PJA2: variants seen among roughly 807,000 people sequenced by gnomAD.
The protein encoded by PJA2 is E3 ubiquitin-protein ligase Praja-2.
PJA2 carries 25 observed loss-of-function variants against 69.3 expected under a neutral mutation model. That is an observed-to-expected ratio of 0.36 (90% confidence interval 0.26 to 0.50). PJA2 has a LOEUF of 0.50. Ranked by LOEUF, PJA2 falls within the 20% of genes least tolerant of loss-of-function variation. The pLI is 0.96. For missense variants in PJA2, 809 were observed against 830.2 expected (o/e 0.97, Z 0.31); for synonymous variants, 308 against 277.8 (o/e 1.11, Z -1.08).
At chr5:109,399,326 G>C (rs1474475824) in intron 1 of PJA2, among the ~76,000 whole-genome samples, 1 of 151,970 alleles carries the variant, frequency 6.6e-6, no homozygotes, top group Non-Finnish European at 1.5e-5. Context: ...ACTGAGTACA[G>C]ATAAGGAAGA....
At chr5:109,352,913 C>A (rs574433510) in intron 7 of PJA2, among the ~76,000 whole-genome samples, 2 of 146,928 alleles carry the variant, frequency 1.4e-5, no homozygotes, top group South Asian at 2.1e-4. Context: ...ATATTAGATA[C>A]CTATAATATC....
chr5:109,395,925 G>A (rs533872608), intron 1 of PJA2, among the ~76,000 whole-genome samples: 11 of 151,750 alleles, frequency 7.2e-5, no homozygotes, highest in African/African-American at 2.2e-4. Flanking sequence ...ACTTGAACCC[G>A]GGAGGCAGAG....
chr5:109,388,403 C>T (rs1472444294), intron 1 of PJA2, among the ~76,000 whole-genome samples: 1 of 152,216 alleles, frequency 6.6e-6, no homozygotes, highest in African/African-American at 2.4e-5. Context: ...AGCAACCAGG[C>T]TGCTCCTGAA....
intron 1 of PJA2, among the ~76,000 whole-genome samples, chr5:109,390,402 T>C (rs1361184674): frequency 1.3e-5 from 2 of 152,026 alleles, no homozygotes. Context: ...TATAGCCACA[T>C]CAGCTTTCTT....
chr5:109,346,413 C>T (rs1762173267), intron 7 of PJA2, among the ~76,000 whole-genome samples: 1 of 152,036 alleles, frequency 6.6e-6, no homozygotes, highest in African/African-American at 2.4e-5. Context: ...GGGTATACAC[C>T]CAAAAAGAAC....
intron 7 of PJA2, among the ~76,000 whole-genome samples, chr5:109,348,321 C>G (rs1727361086): frequency 6.6e-6 from 1 of 152,144 alleles, no homozygotes; most frequent in South Asian, 2.1e-4. Flanking sequence ...TCCACGACAG[C>G]CCTAAAAGAT....
chr5:109,386,298 A>G (rs1306190317), intron 1 of PJA2, among the ~76,000 whole-genome samples: 2 of 152,180 alleles, frequency 1.3e-5, no homozygotes, highest in Non-Finnish European at 2.9e-5. Context: ...GCCAAAAGTT[A>G]AAGTATGATG....
At chr5:109,340,980 C>T (rs1234850010) in intron 9 of PJA2, among the ~76,000 whole-genome samples, 1 of 138,258 alleles carries the variant, frequency 7.2e-6, no homozygotes, top group African/African-American at 2.6e-5. Context: ...GGCGTGATCT[C>T]GGCTCACTAC....
intron 3 of PJA2, among the ~76,000 whole-genome samples, chr5:109,379,479 G>A (rs1244111001): frequency 6.6e-6 from 1 of 152,068 alleles, no homozygotes; most frequent in Non-Finnish European, 1.5e-5. Flanking sequence ...TCCCTCACAT[G>A]GCTTTGGCAG....
intron 7 of PJA2, among the ~76,000 whole-genome samples, chr5:109,352,146 T>C (rs1762264370): frequency 6.6e-6 from 1 of 152,192 alleles, no homozygotes; most frequent in African/African-American, 2.4e-5. Context: ...TCACTATTGG[T>C]AGAAGCCAAC....
chr5:109,344,373 C>CA, intron 8 of PJA2, 62 bp from the exon 9 acceptor site: 1 of 1,519,166 alleles, frequency 6.6e-7, no homozygotes, highest in South Asian at 1.3e-5. Context: ...AACTGAAAAG[C>CA]AACATATTAT....
rs149766508 is a variant in PJA2 at position 109,379,863 on chromosome 5, A to G, written c.233-609T>C. ...TATAGTTATGACTGAAAAACAACAA[A>G]GAGATCAATATGTTGATTCTTGTCA... On this transcript the variant is annotated intron_variant, in intron 3 of 9. Transcript: ENST00000361189. 6.4e-3 allele frequency among the ~76,000 whole-genome samples: 977 copies of G among 152,302 alleles called. 8 individuals carry two copies. Among genetic ancestry groups the G allele is most frequent in the African/African-American group, 0.022 (924 of 41,562 alleles).
At chr5:109,400,205 C>G (rs1007839685) in intron 1 of PJA2, among the ~76,000 whole-genome samples, 13 of 151,310 alleles carry the variant, frequency 8.6e-5, no homozygotes, top group African/African-American at 3.2e-4. Context: ...TACGGAGAAT[C>G]GCTTGAAGTC....
At chr5:109,349,869 A>G (rs1340500716) in intron 7 of PJA2, among the ~76,000 whole-genome samples, 1 of 152,040 alleles carries the variant, frequency 6.6e-6, no homozygotes, top group Non-Finnish European at 1.5e-5. Flanking sequence ...GAACTTTCCC[A>G]TTGCAAGATA....
intron 1 of PJA2, among the ~76,000 whole-genome samples, chr5:109,393,437 CT>C (rs1215296174): frequency 6.6e-6 from 1 of 152,088 alleles, no homozygotes; most frequent in African/African-American, 2.4e-5. Context: ...CCTAGTAAAC[CT>C]GAACATATGC....
intron 1 of PJA2, among the ~76,000 whole-genome samples, chr5:109,397,818 A>G (rs1283838480): frequency 1.3e-5 from 2 of 152,086 alleles, no homozygotes; most frequent in African/African-American, 4.8e-5. Flanking sequence ...GCCACGGTGA[A>G]CGGCCAACAA....
chr5:109,344,000 G>A (rs1405705553), intron 9 of PJA2, among the ~76,000 whole-genome samples, 190 bp downstream of exon 9: 3 of 151,606 alleles, frequency 2.0e-5, no homozygotes, highest in Non-Finnish European at 4.4e-5. Flanking sequence ...GGGAGGCTGA[G>A]GCAGGAGAAT....
intron 4 of PJA2, 150 bp downstream of exon 4, chr5:109,378,054 T>C (rs745354560): frequency 5.0e-6 from 3 of 598,434 alleles, no homozygotes; most frequent in Admixed American, 3.5e-5. Context: ...AGTTTGCATG[T>C]ATGGTTAGCA....
intron 5 of PJA2, among the ~76,000 whole-genome samples, chr5:109,365,364 A>G (rs1236113701): frequency 6.6e-5 from 10 of 152,226 alleles, no homozygotes; most frequent in African/African-American, 2.4e-4. Context: ...ACAATCTAAA[A>G]AACAGATCTA....
Sources: gnomAD v4.1 joint callset for allele counts (sites outside exome capture counted in the v4.1 genomes callset) on GRCh38, gnomAD v4.1.1 for gene constraint, MANE v1.5 for transcripts, NCBI Gene and HGNC (gene_info 2026-07-23, HGNC 2026-07-21) for gene names.